The following BCR variants were observed in gnomAD, a reference collection of about 807,000 sequenced individuals.
BCR encodes the protein breakpoint cluster region protein.
In BCR, 58 loss-of-function variants were observed where a neutral mutation model predicts 138.6. That is an observed-to-expected ratio of 0.42 (90% CI 0.34 to 0.52). The LOEUF (loss-of-function observed/expected upper bound fraction) is 0.52, where lower values mean the gene tolerates loss of function less well. BCR is among the 20% of genes least tolerant of loss of function. The probability of loss-of-function intolerance (pLI) is 0.06; values close to 1 mark genes in which losing one functional copy is unlikely to be tolerated. For synonymous variants in BCR, 786 were observed against 730.1 expected (o/e 1.08, Z -1.23); for missense variants, 1,599 against 1,727.2 (o/e 0.93, Z 1.32).
In BCR at chr22:23,316,264, C is replaced by T. The variant is rs1230597157; in HGVS notation, c.*742C>T. On this transcript the variant is annotated 3_prime_UTR_variant, in exon 23 of 23. Coordinates refer to ENST00000305877, the MANE Select transcript of BCR (RefSeq NM_004327.4). ...CTCCAGGGAGAGCGACCTCGTCCCCCGATCCTGACCGCCCTTCCGGCCCAC... is the reference window on the plus strand; with the variant it reads ...CTCCAGGGAGAGCGACCTCGTCCCCTGATCCTGACCGCCCTTCCGGCCCAC... The T allele has an allele frequency of 6.2e-5, 10 of 161,154 alleles. 1 individual carries two copies. The highest frequency in any genetic ancestry group is 1.0e-4 in the Non-Finnish European group (9 of 87,058). The allele number at this position is 161,154 out of a possible 1,614,324, so 10.0% of individuals were successfully genotyped here.
chr22:23,230,004 C>T (rs553273064), intron 1 of BCR, among the ~76,000 whole-genome samples: 3 of 151,580 alleles, frequency 2.0e-5, no homozygotes, highest in African/African-American at 7.3e-5. Flanking sequence ...TACAGGATTT[C>T]TCCTTCCTGG....
Position 23,287,188 on chromosome 22 carries a change from G to C in BCR, c.2436G>C (p.Glu812Asp), listed in dbSNP as rs765654851. The C allele has an allele frequency of 2.5e-6, 4 of 1,575,032 alleles. No homozygotes were observed. The Admixed American group carries it at 7.4e-5, about 29-fold the overall frequency. The part of the protein sequence containing the change: ...KRANKGSKAT[E>D]RLKKKLSEQE... ...CGAACAAGGGCAGCAAGGCTACGGA[G>C]AGGCTGAAGAAGAAGCTGTCGGAGC... is the stretch of plus-strand genomic sequence containing the variant. Residue 812 changes from glutamate (E) to aspartate (D), a missense_variant, in exon 11 of 23, where the codon GAG (glutamate) becomes GAC (aspartate). Physicochemically the swap from Glu to Asp is conservative, Grantham distance 45. Transcript: ENST00000305877.
intron 1 of BCR, chr22:23,251,223 C>T (rs957754748): frequency 2.0e-5 from 3 of 152,238 alleles, no homozygotes; most frequent in Non-Finnish European, 4.4e-5. Flanking sequence ...TGTGCAATCA[C>T]CTGGGACAGT....
intron 2 of BCR, among the ~76,000 whole-genome samples, chr22:23,256,177 G>A (rs929164013): frequency 6.6e-6 from 1 of 152,202 alleles, no homozygotes; most frequent in Non-Finnish European, 1.5e-5. Flanking sequence ...GTGATCTTGA[G>A]GCCAGAGGCA....
intron 1 of BCR, among the ~76,000 whole-genome samples, chr22:23,195,521 A>T (rs1257639250): frequency 6.6e-6 from 1 of 151,398 alleles, no homozygotes; most frequent in Non-Finnish European, 1.5e-5. Context: ...TGAACCCGAG[A>T]GGCAGGGGTT....
At chr22:23,243,241 GGCTGGTT>G (rs1487892764) in intron 1 of BCR, among the ~76,000 whole-genome samples, 6 of 152,050 alleles carry the variant, frequency 3.9e-5, no homozygotes, top group African/African-American at 1.4e-4. Flanking sequence ...TGTGGGACGG[GGCTGGTT>G]GCCAGAGGAA....
intron 1 of BCR, among the ~76,000 whole-genome samples, chr22:23,222,051 A>AC (rs1054761631): frequency 1.3e-5 from 2 of 152,094 alleles, no homozygotes; most frequent in African/African-American, 4.8e-5. Flanking sequence ...AGATCATGCC[A>AC]CTGCACTCCA....
intron 2 of BCR, among the ~76,000 whole-genome samples, chr22:23,258,072 G>A (rs530072233): frequency 3.0e-4 from 45 of 152,298 alleles, no homozygotes; most frequent in African/African-American, 1.1e-3. Flanking sequence ...CATGGAACCT[G>A]CGTGTCCTTT....
intron 1 of BCR, among the ~76,000 whole-genome samples, chr22:23,187,278 CTTTTTTTT>C (rs3055923): frequency 8.7e-6 from 1 of 114,540 alleles, no homozygotes; most frequent in Non-Finnish European, 1.7e-5. Context: ...GCTTAAAATA[CTTTTTTTT>C]TTTTTTTTTT....
intron 17 of BCR, chr22:23,309,864 T>G: frequency 1.2e-5 from 4 of 336,086 alleles, no homozygotes; most frequent in South Asian, 1.1e-4. Flanking sequence ...GTATAAATGG[T>G]AAAATGTTAA....
chr22:23,181,911 C>A lies in BCR; in HGVS notation c.951C>A (p.Ser317=), dbSNP rs553497469. The A allele has an allele frequency of 7.4e-6, 12 of 1,613,534 alleles. No individual in the cohort carries two copies. The highest frequency in any genetic ancestry group is 6.7e-5 in the African/African-American group (5 of 75,056). Residue 317 remains serine (S), a synonymous_variant, in exon 1 of 23, where the codon TCC becomes TCA. Coordinates refer to ENST00000305877, the MANE Select transcript of BCR (RefSeq NM_004327.4). ...KRLTWPRRSY[S]PRSFEDCGGG... ...TTACCTGGCCCCGCAGGTCCTACTC[C>A]CCCCGGAGTTTTGAGGATTGCGGAG...
At chr22:23,194,633 C>T (rs1002685737) in intron 1 of BCR, among the ~76,000 whole-genome samples, 2 of 151,926 alleles carry the variant, frequency 1.3e-5, no homozygotes, top group Admixed American at 1.3e-4. Context: ...AGGATGGTCT[C>T]GATCTCCTGA....
intron 21 of BCR, 139 bp downstream of exon 21, chr22:23,314,212 A>G (rs878862935): frequency 9.8e-6 from 7 of 712,768 alleles, no homozygotes; most frequent in South Asian, 6.8e-5. Context: ...TTTGGCGACT[A>G]GTGCCACTGC....
At chr22:23,306,560 G>A in intron 16 of BCR, among the ~76,000 whole-genome samples, 1 of 152,238 alleles carries the variant, frequency 6.6e-6, no homozygotes, top group Non-Finnish European at 1.5e-5. Context: ...CTGGGCTTTA[G>A]AGGAGATGGA....
intron 1 of BCR, among the ~76,000 whole-genome samples, chr22:23,229,004 A>G (rs1156487897): frequency 1.3e-5 from 2 of 151,850 alleles, no homozygotes; most frequent in East Asian, 3.9e-4. Context: ...AGACATCAAC[A>G]TCTTTTGATG....
chr22:23,181,430 A>T lies in BCR; in HGVS notation c.470A>T (p.Asn157Ile), dbSNP rs185673395. The T allele has an allele frequency of 6.3e-7, 1 of 1,594,136 alleles. No homozygotes were observed. Among genetic ancestry groups the T allele is most frequent in the African/African-American group, 1.3e-5 (1 of 74,628 alleles). ...GCCAGCGTGGCGGCGCTCAGGTCCA[A>T]CTTCGAGCGGATCCGCAAGGGCCAT... ...PPASVAALRS[N>I]FERIRKGHGQ... The change falls in exon 1 of 23, where the codon AAC (asparagine) becomes ATC (isoleucine). Residue 157 changes from asparagine to isoleucine, a missense_variant. Physicochemically the swap from Asn to Ile is moderately radical, Grantham distance 149 (BLOSUM62 -3). This residue lies in a region of BCR where 806 missense variants were observed against 635.0 expected (regional missense o/e 1.27). Transcript: ENST00000305877.
Position 23,247,046 on chromosome 22 carries a change from A to G in BCR, c.1280-6753A>G, listed in dbSNP as rs1036370596. ...TGAGACCCGAACCTCTGTCCCAGCC[A>G]TGGTTTTCCAAGCCTCTCTGGAGGA... is the stretch of plus-strand genomic sequence containing the variant. On this transcript the variant is annotated intron_variant, in intron 1 of 22. Coordinates refer to ENST00000305877, the MANE Select transcript of BCR (RefSeq NM_004327.4). Among the ~76,000 whole-genome samples the G allele has an allele frequency of 2.6e-5, 4 of 152,096 alleles. No homozygotes were observed. The East Asian group carries it at 5.8e-4, about 22-fold the overall frequency.
rs2146187440 is a variant in BCR, at chr22:23,180,997, G to T, written c.37G>T (p.Ala13Ser). 1 of 1,464,396 alleles carries T rather than the reference G, an allele frequency of 6.8e-7. No homozygotes were observed. The highest frequency in any genetic ancestry group is 1.4e-5 in the South Asian group (1 of 73,208). The allele number at this position is 1,464,396 out of a possible 1,614,324, so 90.7% of individuals were successfully genotyped here. The part of the protein sequence containing the change: ...DPVGFAEAWK[A>S]QFPDSEPPRM... ...GGTGGGCTTCGCGGAGGCGTGGAAGGCGCAGTTCCCGGACTCAGAGCCCCC... is the reference window on the plus strand; with the variant it reads ...GGTGGGCTTCGCGGAGGCGTGGAAGTCGCAGTTCCCGGACTCAGAGCCCCC... Residue 13 changes from alanine (A) to serine (S), a missense_variant, in exon 1 of 23, where the codon GCG (alanine) becomes TCG (serine). Physicochemically the swap from Ala to Ser is moderately conservative, Grantham distance 99 (BLOSUM62 1). Coordinates refer to ENST00000305877, the MANE Select transcript of BCR (RefSeq NM_004327.4).
intron 5 of BCR, among the ~76,000 whole-genome samples, chr22:23,270,543 T>C (rs2073498448): frequency 1.3e-5 from 2 of 152,182 alleles, no homozygotes; most frequent in African/African-American, 2.4e-5. Context: ...AACTGCTGAG[T>C]CAGATATACA....
Sources: allele counts gnomAD v4.1 joint callset (sites outside exome capture counted in the v4.1 genomes callset), GRCh38; gene constraint gnomAD v4.1.1; regional missense constraint gnomAD v4.1.1; transcripts MANE v1.5; gene names NCBI Gene and HGNC (gene_info 2026-07-23, HGNC 2026-07-21).